Variants in GPHN observed in about 807,000 individuals in gnomAD.
GPHN encodes the protein gephyrin.
In GPHN, 17 loss-of-function variants were observed where a neutral mutation model predicts 95.5. The observed-to-expected ratio is 0.18, with a 90% CI of 0.12 to 0.27. The LOEUF (loss-of-function observed/expected upper bound fraction) is 0.27, where lower values mean the gene tolerates loss of function less well. GPHN is among the 10% of genes least tolerant of loss of function. GPHN has a pLI of 1.00. For synonymous variants in GPHN, 320 were observed against 322.5 expected (o/e 0.99, Z 0.08); for missense variants, 660 against 978.1 (o/e 0.67, Z 4.34).
chr14:66,791,282 G>A (rs959224867), intron 3 of GPHN, among the ~76,000 whole-genome samples: 1 of 152,156 alleles, frequency 6.6e-6, no homozygotes, highest in Non-Finnish European at 1.5e-5. Context: ...CCCTTTGGGG[G>A]TTATCAGGGA....
In GPHN at chr14:67,063,731, G is replaced by A. The variant is rs533035664; in HGVS notation, c.1144+4945G>A. On this transcript the variant is annotated intron_variant, in intron 11 of 22. Coordinates refer to ENST00000478722, the MANE Select transcript of GPHN (RefSeq NM_020806.5). ...GTTCACTCGTGATTTGGCTCTCCAT[G>A]TGTCTGTTATTGGTGTATAGGAATG... Among the ~76,000 whole-genome samples the A allele has an allele frequency of 2.5e-3, 387 of 152,168 alleles. 3 individuals are homozygous for A. The highest frequency in any genetic ancestry group is 6.8e-3 in the Middle Eastern group (2 of 294).
At chr14:66,945,167 G>A (rs1322242589) in intron 8 of GPHN, among the ~76,000 whole-genome samples, 1 of 152,174 alleles carries the variant, frequency 6.6e-6, no homozygotes, top group East Asian at 1.9e-4. Context: ...GAGTAGAACG[G>A]GATTTATTGT....
chr14:67,716,841 A>G, the GPHN span, among the ~76,000 whole-genome samples: 19,883 of 150,958 alleles, frequency 0.13, 1,346 homozygotes, highest in East Asian at 0.21. Context: ...CCGCTATCAC[A>G]CCACTGCACT....
intron 1 of GPHN, among the ~76,000 whole-genome samples, chr14:66,659,732 A>T (rs1327744285): frequency 2.6e-5 from 4 of 152,084 alleles, no homozygotes; most frequent in Admixed American, 2.6e-4. Context: ...GTATTAATAC[A>T]GCCACTCCTG....
At chr14:66,519,274 T>G (rs1245328647) in intron 1 of GPHN, among the ~76,000 whole-genome samples, 1 of 152,006 alleles carries the variant, frequency 6.6e-6, no homozygotes, top group Non-Finnish European at 1.5e-5. Context: ...CTCATCACAT[T>G]ACTTCTCTAG....
At chr14:67,586,867 G>C in the GPHN span, 43 of 1,516,382 alleles carry the variant, frequency 2.8e-5, no homozygotes, top group South Asian at 4.9e-4. Flanking sequence ...GTGCATCTGA[G>C]AGGATCTCCA....
chr14:67,605,713 C>T, the GPHN span, among the ~76,000 whole-genome samples: 136 of 151,948 alleles, frequency 9.0e-4, no homozygotes, highest in African/African-American at 2.8e-3. Context: ...TACATAGTCT[C>T]GCTTTGTTAC....
intron 1 of GPHN, among the ~76,000 whole-genome samples, chr14:66,544,547 A>C (rs2059462442): frequency 6.6e-6 from 1 of 151,816 alleles, no homozygotes; most frequent in Admixed American, 6.6e-5. Flanking sequence ...TATTTGTTGA[A>C]TGAAAGAAGA....
At chr14:67,722,442 G>T in the GPHN span, 3 of 653,152 alleles carry the variant, frequency 4.6e-6, no homozygotes, top group East Asian at 8.2e-5. Flanking sequence ...CTCCCAGCAG[G>T]CTGTGCTCTG....
At chr14:66,931,338 G>A (rs1567116905) in intron 8 of GPHN, among the ~76,000 whole-genome samples, 1 of 151,906 alleles carries the variant, frequency 6.6e-6, no homozygotes, top group African/African-American at 2.4e-5. Flanking sequence ...TCTTCTTTGG[G>A]GTAAATCTGC....
chr14:67,225,191 G>A, the GPHN span: 3 of 1,561,424 alleles, frequency 1.9e-6, no homozygotes, highest in Non-Finnish European at 2.6e-6. Context: ...CTTTCTCAAG[G>A]GAATGAATGT....
intron 1 of GPHN, among the ~76,000 whole-genome samples, chr14:66,517,066 T>C (rs532446144): frequency 1.4e-5 from 2 of 144,174 alleles, no homozygotes; most frequent in East Asian, 4.0e-4. Context: ...AGGCAGAGAT[T>C]GTAGTGAGCC....
At chr14:67,018,275 A>C (rs2073419258) in intron 9 of GPHN, among the ~76,000 whole-genome samples, 1 of 152,178 alleles carries the variant, frequency 6.6e-6, no homozygotes, top group African/African-American at 2.4e-5. Context: ...CTTAAAATGA[A>C]TGAGTTTTAT....
At chr14:67,555,042 A>T in the GPHN span, among the ~76,000 whole-genome samples, 676 of 152,170 alleles carry the variant, frequency 4.4e-3, 2 homozygotes, top group African/African-American at 0.015. Flanking sequence ...CCTCCTGAGT[A>T]GCTGGGACTA....
the GPHN span, chr14:67,621,029 C>A: frequency 1.3e-6 from 2 of 1,486,248 alleles, no homozygotes; most frequent in East Asian, 2.3e-5. Flanking sequence ...AGAGTCTTTT[C>A]TCTGACATCC....
At chr14:67,204,521 G>T in the GPHN span, 2 of 1,607,736 alleles carry the variant, frequency 1.2e-6, no homozygotes, top group Non-Finnish European at 1.7e-6. Flanking sequence ...TGATGTTACC[G>T]TGTGCTTGTT....
chr14:67,388,300 T>C, the GPHN span: 12 of 1,607,480 alleles, frequency 7.5e-6, no homozygotes, highest in African/African-American at 2.7e-5. Context: ...GCCTGTTCTC[T>C]TCCTGTAGAG....
the GPHN span, among the ~76,000 whole-genome samples, chr14:67,193,522 G>GATATAGATCTATAGAAATATATATCTAT: frequency 1.5e-5 from 2 of 137,632 alleles, no homozygotes; most frequent in Non-Finnish European, 3.1e-5. Flanking sequence ...TATATATCTA[G>GATATAGATCTATAGAAATATATATCTAT]ATATAGATCT....
the GPHN span, among the ~76,000 whole-genome samples, chr14:67,711,566 A>T: frequency 6.6e-6 from 1 of 152,168 alleles, no homozygotes; most frequent in Admixed American, 6.5e-5. Context: ...ATATATTTTC[A>T]GTAGTGAAAC....
Sources: gnomAD v4.1 joint callset for allele counts (sites outside exome capture counted in the v4.1 genomes callset) on GRCh38, gnomAD v4.1.1 for gene constraint, MANE v1.5 for transcripts, NCBI Gene and HGNC (gene_info 2026-07-23, HGNC 2026-07-21) for gene names.